Variants in ZNF775 observed in about 807,000 individuals in gnomAD.
ZNF775 encodes zinc finger protein 775.
ZNF775 carries 1 observed loss-of-function variant against 2.4 expected under a neutral mutation model. The observed-to-expected ratio is 0.41, with a 90% CI of 0.15 to 1.94. The LOEUF (loss-of-function observed/expected upper bound fraction) is 1.94. Among genes scored for constraint, ZNF775 ranks in the 30% most tolerant of loss-of-function variants. The pLI, the probability that ZNF775 is intolerant of heterozygous loss-of-function variation, is 0.30. For missense variants in ZNF775, 823 were observed against 826.6 expected (o/e 1.00, Z 0.05); for synonymous variants, 381 against 373.3 (o/e 1.02, Z -0.24).
chr7:150,392,472 A>T (rs375326041), intron 2 of ZNF775, among the ~76,000 whole-genome samples: 4 of 152,136 alleles, frequency 2.6e-5, no homozygotes, highest in Non-Finnish European at 5.9e-5. Flanking sequence ...CCCACCATGG[A>T]AGAGCCATGC....
Position 150,398,483 on chromosome 7 carries a change from CG to C in ZNF775, c.*393del, listed in dbSNP as rs1346650212. ...GGTCCTGCCCACGCTTCAGGATGGCCGGGGGCTGCCCCTGTGGGAGAGTTGC... is the reference window on the plus strand; with the variant it reads ...GGTCCTGCCCACGCTTCAGGATGGCCGGGGCTGCCCCTGTGGGAGAGTTGC... On this transcript the variant is annotated 3_prime_UTR_variant, in exon 3 of 3. Transcript: ENST00000329630. 4.2e-5 allele frequency: 9 copies of C among 211,974 alleles called. No individual in the cohort carries two copies. The highest frequency in any genetic ancestry group is 7.4e-5 in the Non-Finnish European group (8 of 107,870). 13.1% of individuals were successfully genotyped at this position (211,974 alleles called of 1,614,324 possible). A position where few individuals can be genotyped will look rare whatever the true frequency, so the allele number is the denominator to read the frequency against.
chr7:150,386,722 G>A (rs979070899), intron 1 of ZNF775, among the ~76,000 whole-genome samples: 2 of 152,154 alleles, frequency 1.3e-5, no homozygotes, highest in South Asian at 2.1e-4. Flanking sequence ...ACAGGTGCAC[G>A]GGACCACATC....
chr7:150,387,983 G>A (rs186881200), intron 1 of ZNF775, among the ~76,000 whole-genome samples: 1 of 152,286 alleles, frequency 6.6e-6, no homozygotes, highest in East Asian at 1.9e-4. Context: ...GAAACGTGTA[G>A]GGCCATTCTG....
chr7:150,394,171 G>A (rs538175268), intron 2 of ZNF775, among the ~76,000 whole-genome samples: 1 of 152,188 alleles, frequency 6.6e-6, no homozygotes, highest in Non-Finnish European at 1.5e-5. Flanking sequence ...CTAAGAATAT[G>A]ATATACATTG....
chr7:150,390,082 C>A (rs1392773327), intron 2 of ZNF775, among the ~76,000 whole-genome samples: 2 of 152,122 alleles, frequency 1.3e-5, no homozygotes, highest in East Asian at 1.9e-4. Context: ...CTGTGCTTTG[C>A]ACCTTCTAAT....
At chr7:150,379,909 A>G in intron 1 of ZNF775, 1 of 152,446 alleles carries the variant, frequency 6.6e-6, no homozygotes, top group Non-Finnish European at 1.5e-5. Flanking sequence ...GATAAGTGAG[A>G]GGGAAGCACC....
chr7:150,394,336 A>T (rs1401880521), intron 2 of ZNF775, among the ~76,000 whole-genome samples: 3 of 151,594 alleles, frequency 2.0e-5, no homozygotes, highest in Non-Finnish European at 2.9e-5. Context: ...ATCTTGCTGA[A>T]CTCTTATTTC....
intron 2 of ZNF775, among the ~76,000 whole-genome samples, chr7:150,393,540 T>C (rs1800595876): frequency 6.6e-6 from 1 of 152,206 alleles, no homozygotes; most frequent in Admixed American, 6.5e-5. Context: ...AAGAAACTGC[T>C]GAACTGCCTT....
chr7:150,397,637 C>G lies in ZNF775; in HGVS notation c.1156C>G (p.Arg386Gly). The G allele has an allele frequency of 7.6e-7, 1 of 1,321,838 alleles. No homozygotes were observed. The highest frequency in any genetic ancestry group is 9.6e-7 in the Non-Finnish European group (1 of 1,040,298). 81.9% of individuals were successfully genotyped at this position (1,321,838 alleles called of 1,614,324 possible). A position where few individuals can be genotyped will look rare whatever the true frequency, so the allele number is the denominator to read the frequency against. Residue 386 changes from arginine (R) to glycine (G), a missense_variant, in exon 3 of 3, where the codon CGC (arginine) becomes GGC (glycine). Physicochemically the swap from Arg to Gly is moderately radical, Grantham distance 125. Transcript: ENST00000329630. Reference sequence around the variant, plus strand: ...CCGCGCCGCGCTGCGCGCCCACCAGCGCGCCCACGCTGTCGCTGAGCCCGC... The same window carrying G: ...CCGCGCCGCGCTGCGCGCCCACCAGGGCGCCCACGCTGTCGCTGAGCCCGC... ...RSRAALRAHQ[R>G]AHAVAEPAVP...
intron 1 of ZNF775, among the ~76,000 whole-genome samples, chr7:150,387,970 G>C (rs1800484237): frequency 6.6e-6 from 1 of 152,206 alleles, no homozygotes; most frequent in Admixed American, 6.5e-5. Context: ...GCGGGTGACG[G>C]AGGAAACGTG....
At chr7:150,383,731 G>T (rs1585083557) in intron 1 of ZNF775, 1 of 152,504 alleles carries the variant, frequency 6.6e-6, no homozygotes, top group East Asian at 1.9e-4. Context: ...TTGGGGAGCT[G>T]CCCCCACCCC....
At chr7:150,385,650 C>A (rs775988168) in intron 1 of ZNF775, among the ~76,000 whole-genome samples, 19 of 152,206 alleles carry the variant, frequency 1.2e-4, no homozygotes, top group Non-Finnish European at 2.5e-4. Flanking sequence ...CAGCAACCAG[C>A]CCTCCAGCAA....
At chr7:150,394,748 T>A (rs1279275248) in intron 2 of ZNF775, among the ~76,000 whole-genome samples, 1 of 147,868 alleles carries the variant, frequency 6.8e-6, no homozygotes, top group Admixed American at 6.7e-5. Context: ...ATCATATGAC[T>A]TTTTCACATC....
intron 2 of ZNF775, among the ~76,000 whole-genome samples, chr7:150,391,175 G>T (rs1167611755): frequency 6.6e-6 from 1 of 152,172 alleles, no homozygotes; most frequent in Non-Finnish European, 1.5e-5. Context: ...ACGTGGCCTA[G>T]CCACATAGGA....
chr7:150,396,634 CCCGCCA>C lies in ZNF775; in HGVS notation c.155_160del (p.Pro52_Pro53del). ...ACATATTTCAGCAGCACCGGGGCCT[CCCGCCA>C]CGCCAGACCATGGGGCGGCCTCGAG... On this transcript the variant is annotated inframe_deletion, in exon 3 of 3. Transcript: ENST00000329630. 1 of 1,611,468 alleles carries C rather than the reference CCCGCCA, an allele frequency of 6.2e-7. No homozygotes were observed. Among genetic ancestry groups the C allele is most frequent in the Non-Finnish European group, 8.5e-7 (1 of 1,179,558 alleles).
At position 150,397,147 on chromosome 7, in the gene ZNF775, C is replaced by G. The variant is rs746150081; in HGVS notation, c.666C>G (p.Ala222=). The change falls in exon 3 of 3, where the codon GCC becomes GCG. Residue 222 remains alanine (A), a synonymous_variant. Coordinates refer to ENST00000329630, the MANE Select transcript of ZNF775 (RefSeq NM_173680.4). Reference sequence around the variant, plus strand: ...CCCGGGACCGCCAGGGCTCCCGCGCCGGCCTGCACGAGCTGATTCAGGACG... The same window carrying G: ...CCCGGGACCGCCAGGGCTCCCGCGCGGGCCTGCACGAGCTGATTCAGGACG... ...AHARDRQGSR[A]GLHELIQDAA... 5 of 1,473,814 alleles carry G rather than the reference C, an allele frequency of 3.4e-6. No homozygotes were observed. In the East Asian group the frequency reaches 1.0e-4, roughly 31 times the overall value. 91.3% of individuals were successfully genotyped at this position (1,473,814 alleles called of 1,614,324 possible).
chr7:150,387,579 T>C (rs1158888615), intron 1 of ZNF775, among the ~76,000 whole-genome samples: 2 of 152,064 alleles, frequency 1.3e-5, no homozygotes, highest in Non-Finnish European at 2.9e-5. Context: ...TTCAGGAGAC[T>C]GAGGCGGGCG....
intron 2 of ZNF775, among the ~76,000 whole-genome samples, chr7:150,394,691 C>T (rs142855461): frequency 1.7e-4 from 24 of 139,294 alleles, no homozygotes; most frequent in Non-Finnish European, 3.4e-4. Context: ...TCTTTCCCTA[C>T]CTTCTCCCTC....
rs2116482041 is a variant in ZNF775, at chr7:150,397,613, C to A, written c.1132C>A (p.Arg378Ser). 2.1e-6 allele frequency: 3 copies of A among 1,396,592 alleles called. No homozygotes were observed. The highest frequency in any genetic ancestry group is 3.1e-5 in the African/African-American group (2 of 64,430). The allele number at this position is 1,396,592 out of a possible 1,614,324, so 86.5% of individuals were successfully genotyped here. The change falls in exon 3 of 3, where the codon CGC (arginine) becomes AGC (serine). Residue 378 changes from arginine to serine, a missense_variant. Transcript: ENST00000329630. The stretch of plus-strand genomic sequence containing the variant: ...CAGCTGCGGTAAGAGCTGCCGCAGC[C>A]GCGCCGCGCTGCGCGCCCACCAGCG... ...CPSCGKSCRS[R>S]AALRAHQRAH...
Sources: allele counts gnomAD v4.1 joint callset (sites outside exome capture counted in the v4.1 genomes callset), GRCh38; gene constraint gnomAD v4.1.1; transcripts MANE v1.5; gene names NCBI Gene and HGNC (gene_info 2026-07-23, HGNC 2026-07-21).